Variants in ATP2B2 observed in about 807,000 individuals in gnomAD.
The protein encoded by ATP2B2 is ATPase plasma membrane Ca2+ transporting 2, also known as plasma membrane calcium-transporting ATPase 2.
Under a neutral mutation model 120.0 loss-of-function variants are expected in ATP2B2, and 15 were observed. The observed-to-expected ratio is 0.12, with a 90% CI of 0.08 to 0.19. The LOEUF (loss-of-function observed/expected upper bound fraction) is 0.19, where lower values mean the gene tolerates loss of function less well. Among genes scored for constraint, ATP2B2 ranks in the 10% least tolerant of loss-of-function variants. ATP2B2 has a pLI of 1.00. For synonymous variants in ATP2B2, 694 were observed against 700.3 expected (o/e 0.99, Z 0.14); for missense variants, 1,045 against 1,719.8 (o/e 0.61, Z 6.94).
At chr3:10,568,309 C>T (rs1485513443) in intron 2 of ATP2B2, among the ~76,000 whole-genome samples, 1 of 152,176 alleles carries the variant, frequency 6.6e-6, no homozygotes, top group Non-Finnish European at 1.5e-5. Flanking sequence ...CCATATTCTC[C>T]ACCCTCCACA....
At chr3:10,627,531 G>T (rs146450796) in intron 1 of ATP2B2, among the ~76,000 whole-genome samples, 1 of 152,086 alleles carries the variant, frequency 6.6e-6, no homozygotes, top group Non-Finnish European at 1.5e-5. Context: ...ATGTGACCCT[G>T]GGCCAGTTCT....
intron 3 of ATP2B2, among the ~76,000 whole-genome samples, chr3:10,527,735 G>C (rs1459749838): frequency 2.0e-5 from 3 of 152,220 alleles, no homozygotes; most frequent in Admixed American, 1.3e-4. Flanking sequence ...CGCGAACCCA[G>C]CCTCCCATAC....
At chr3:10,445,373 C>T (rs1460417617) in intron 2 of ATP2B2, among the ~76,000 whole-genome samples, 2 of 144,606 alleles carry the variant, frequency 1.4e-5, no homozygotes, top group African/African-American at 5.8e-5. Flanking sequence ...ATGTCCTTGG[C>T]TGAAACAGTG....
intron 2 of ATP2B2, among the ~76,000 whole-genome samples, chr3:10,597,232 G>A (rs2068791696): frequency 7.4e-6 from 1 of 135,646 alleles, no homozygotes. Context: ...CACACACAGA[G>A]GCACATACCC....
At chr3:10,515,776 T>A (rs2066864894) in intron 3 of ATP2B2, among the ~76,000 whole-genome samples, 1 of 152,238 alleles carries the variant, frequency 6.6e-6, no homozygotes, top group Admixed American at 6.5e-5. Flanking sequence ...GGTGATGATA[T>A]CTACTTTGGA....
chr3:10,426,754 T>C (rs2063157891), intron 2 of ATP2B2, among the ~76,000 whole-genome samples: 1 of 151,966 alleles, frequency 6.6e-6, no homozygotes, highest in Non-Finnish European at 1.5e-5. Context: ...TTCATTTCTG[T>C]GACAGTGGCT....
chr3:10,512,501 C>CACACAG (rs2066791804), intron 3 of ATP2B2, among the ~76,000 whole-genome samples: 1 of 150,744 alleles, frequency 6.6e-6, no homozygotes, highest in African/African-American at 2.5e-5. Flanking sequence ...CACACACACA[C>CACACAG]ACACACACAC....
At position 10,340,762 on chromosome 3, in the gene ATP2B2, G is replaced by T; in HGVS notation, c.2918-58C>A. ...GCAGTGGTGGGGGAATCAGAGGGGA[G>T]ATGCCTGGCCTTTCGTGGGGGCCTC... On this transcript the variant is annotated intron_variant, in intron 19 of 22. Coordinates refer to ENST00000360273, the MANE Select transcript of ATP2B2 (RefSeq NM_001001331.4). The surrounding 1 kb of genome is among the most constrained non-coding windows in gnomAD (Gnocchi z 5.0). 1 of 1,577,402 alleles carries T rather than the reference G, an allele frequency of 6.3e-7. No individual in the cohort carries two copies. Among genetic ancestry groups the T allele is most frequent in the Non-Finnish European group, 8.7e-7 (1 of 1,147,534 alleles).
intron 2 of ATP2B2, among the ~76,000 whole-genome samples, chr3:10,580,484 G>A (rs13059702): frequency 0.34 from 52,320 of 151,998 alleles, 9,748 homozygotes; most frequent in East Asian, 0.72. Context: ...TGAGGGTGGC[G>A]TGTAAGGTCA....
rs984778341 is a variant in ATP2B2, at chr3:10,342,330, G to A, written c.2917+422C>T. Among the ~76,000 whole-genome samples, 12 of 152,102 alleles carry A rather than the reference G, an allele frequency of 7.9e-5. No individual in the cohort carries two copies. Among genetic ancestry groups the A allele is most frequent in the Admixed American group, 3.3e-4 (5 of 15,280 alleles). ...TGTGAGAGTCGGTGGTGGTGTGAGCGTGTATGCCCTGCCCCAGGAAGCCTT... is the reference window on the plus strand; with the variant it reads ...TGTGAGAGTCGGTGGTGGTGTGAGCATGTATGCCCTGCCCCAGGAAGCCTT... On this transcript the variant is annotated intron_variant, in intron 19 of 22. Coordinates refer to ENST00000360273, the MANE Select transcript of ATP2B2 (RefSeq NM_001001331.4). This position sits in a 1 kb window ranked among gnomAD's most constrained non-coding sequence, Gnocchi z 4.4.
At chr3:10,468,152 T>C (rs896344229) in intron 1 of ATP2B2, among the ~76,000 whole-genome samples, 1 of 152,152 alleles carries the variant, frequency 6.6e-6, no homozygotes, top group Non-Finnish European at 1.5e-5. Context: ...GCCACCCTGC[T>C]CCCCTCCTCT....
Position 10,329,814 on chromosome 3 carries a change from C to T in ATP2B2, c.3421-689G>A, listed in dbSNP as rs924065854. Among the ~76,000 whole-genome samples the T allele has an allele frequency of 1.3e-4, 20 of 152,252 alleles. 1 individual carries two copies. The highest frequency in any genetic ancestry group is 2.6e-4 in the Non-Finnish European group (18 of 68,014). ...CTGGCGGACAGATGACATTCGGGGGCGGGCTGCATGCCACGGGGAGGCCGG... is the reference window on the plus strand; with the variant it reads ...CTGGCGGACAGATGACATTCGGGGGTGGGCTGCATGCCACGGGGAGGCCGG... On this transcript the variant is annotated intron_variant, in intron 22 of 22. Transcript: ENST00000360273. The surrounding 1 kb of genome is among the most constrained non-coding windows in gnomAD (Gnocchi z 5.9).
At chr3:10,447,429 A>G (rs1047163606) in intron 2 of ATP2B2, among the ~76,000 whole-genome samples, 39 of 152,116 alleles carry the variant, frequency 2.6e-4, no homozygotes, top group Non-Finnish European at 5.9e-5. Flanking sequence ...TTTCTTAACT[A>G]GGGTCCACAA....
intron 1 of ATP2B2, among the ~76,000 whole-genome samples, chr3:10,694,727 T>TG (rs2071716381): frequency 6.6e-6 from 1 of 152,200 alleles, no homozygotes. Context: ...ACTCATTGTT[T>TG]GGGGATATAC....
At chr3:10,460,937 G>T (rs987943332) in intron 1 of ATP2B2, among the ~76,000 whole-genome samples, 4 of 152,202 alleles carry the variant, frequency 2.6e-5, no homozygotes, top group African/African-American at 9.7e-5. Flanking sequence ...GGTGCCAGGG[G>T]ATGTGTCTAA....
chr3:10,623,733 G>T lies in ATP2B2; in HGVS notation c.-459-3772C>A, dbSNP rs546236911. Among the ~76,000 whole-genome samples the T allele has an allele frequency of 1.1e-4, 17 of 152,234 alleles. No individual in the cohort carries two copies. The East Asian group carries it at 3.1e-3, about 28-fold the overall frequency. ...CAGTCAATAAAGTCATGAGTCATTG[G>T]CTCCAGGAGCCCCAGGATTTCCACA... is the stretch of plus-strand genomic sequence containing the variant. On this transcript the variant is annotated intron_variant, in intron 1 of 21. Transcript: ENST00000646379.
intron 10 of ATP2B2, among the ~76,000 whole-genome samples, chr3:10,377,193 A>G (rs1024165106): frequency 6.6e-6 from 1 of 152,090 alleles, no homozygotes; most frequent in African/African-American, 2.4e-5. Context: ...ATGTTTCCAT[A>G]GAGTCTTCTG....
At chr3:10,614,410 C>T (rs564105517) in intron 2 of ATP2B2, among the ~76,000 whole-genome samples, 1 of 152,190 alleles carries the variant, frequency 6.6e-6, no homozygotes, top group African/African-American at 2.4e-5. Context: ...CGCTGTAGGG[C>T]TGTACAGTTT....
intron 1 of ATP2B2, among the ~76,000 whole-genome samples, chr3:10,621,409 C>T (rs958364876): frequency 6.6e-6 from 1 of 152,204 alleles, no homozygotes; most frequent in Non-Finnish European, 1.5e-5. Flanking sequence ...AACACGAGCC[C>T]GACAAGAGGC....
Sources: allele counts gnomAD v4.1 joint callset (sites outside exome capture counted in the v4.1 genomes callset), GRCh38; gene constraint gnomAD v4.1.1; non-coding constraint Gnocchi (gnomAD v3.1); transcripts MANE v1.5; gene names NCBI Gene and HGNC (gene_info 2026-07-23, HGNC 2026-07-21).